Variants in TMEM128 observed in about 807,000 individuals in gnomAD.
TMEM128 encodes the protein transmembrane protein 128.
A neutral mutation model predicts 19.7 loss-of-function variants in TMEM128; 16 were observed. The ratio of observed to expected loss-of-function variants is 0.81; its 90% CI spans 0.55 to 1.23. The LOEUF is 1.23. Among genes scored for constraint, TMEM128 ranks in the 50% most tolerant of loss-of-function variants. The probability of loss-of-function intolerance (pLI) is 0.00; values close to 1 mark genes in which losing one functional copy is unlikely to be tolerated. For missense variants in TMEM128, 237 were observed against 200.8 expected, an observed-to-expected ratio of 1.18 and a Z score of -1.09; for synonymous variants, 98 against 75.8, an observed-to-expected ratio of 1.29 and a Z score of -1.52.
Position 4,248,198 on chromosome 4 carries a change from T to C in TMEM128, c.5A>G (p.Asp2Gly). The C allele has an allele frequency of 2.0e-6, 3 of 1,521,314 alleles. No individual in the cohort carries two copies. Among genetic ancestry groups the C allele is most frequent in the Non-Finnish European group, 2.6e-6 (3 of 1,134,804 alleles). The allele number at this position is 1,521,314 out of a possible 1,614,324, so 94.2% of individuals were successfully genotyped here. The change falls in exon 1 of 5, where the codon GAC (aspartate) becomes GGC (glycine). Residue 2 changes from aspartate (D) to glycine (G), a missense_variant. By Grantham distance (94) the Asp-to-Gly change is moderately conservative (BLOSUM62 -1). Transcript: ENST00000382753. M[D>G]SSRARQQLRR... ...GAGCTGCTGCCGGGCCCGCGAGGAG[T>C]CCATCTTGGTACCGCCCCGAAATGC...
At chr4:4,243,697 T>C (rs747812983) in intron 2 of TMEM128, among the ~76,000 whole-genome samples, 2 of 152,172 alleles carry the variant, frequency 1.3e-5, no homozygotes, top group Non-Finnish European at 2.9e-5. Flanking sequence ...GACACCTTGT[T>C]GAGGACAGAT....
intron 2 of TMEM128, among the ~76,000 whole-genome samples, chr4:4,242,876 G>A (rs2980106): frequency 0.12 from 17,556 of 151,914 alleles, 2,589 homozygotes; most frequent in African/African-American, 0.33. Flanking sequence ...AGTGGTCCTC[G>A]GCCCTGGCTT....
rs931238411 is a variant in TMEM128 at position 4,238,836 on chromosome 4, C to T, written c.399-901G>A. Among the ~76,000 whole-genome samples the T allele has an allele frequency of 6.6e-5, 10 of 152,166 alleles. 1 individual carries two copies. The highest frequency in any genetic ancestry group is 5.9e-4 in the Admixed American group (9 of 15,284). The stretch of plus-strand genomic sequence containing the variant: ...TGGCTTGAGGCCAGGAGTTTGAGAC[C>T]TGCCTGAGCAGCACAGCGAAACCCC... On this transcript the variant is annotated intron_variant, in intron 3 of 4. Transcript: ENST00000382753.
At position 4,247,959 on chromosome 4, in the gene TMEM128, C is replaced by A. The variant is rs1367498486; in HGVS notation, c.97+147G>T. The A allele has an allele frequency of 9.0e-6, 13 of 1,436,610 alleles. No individual in the cohort carries two copies. In the East Asian group the frequency reaches 3.1e-4, roughly 34 times the overall value. 89.0% of individuals were successfully genotyped at this position (1,436,610 alleles called of 1,614,324 possible). A position where few individuals can be genotyped will look rare whatever the true frequency, so the allele number is the denominator to read the frequency against. The stretch of plus-strand genomic sequence containing the variant: ...TGAAATGACGATGCACAGCACTCCG[C>A]GATTCTAAGGATCTTCCCTGACATT... On this transcript the variant is annotated intron_variant, in intron 1 of 4. Transcript: ENST00000382753.
chr4:4,243,273 G>A (rs1245080426), intron 2 of TMEM128, among the ~76,000 whole-genome samples: 3 of 151,960 alleles, frequency 2.0e-5, no homozygotes, highest in Non-Finnish European at 4.4e-5. Flanking sequence ...TAGTAGAGAC[G>A]GGGTTTCACC....
intron 4 of TMEM128, chr4:4,237,085 G>T (rs557181697): frequency 4.6e-5 from 21 of 455,724 alleles, no homozygotes; most frequent in Non-Finnish European, 8.4e-5. Flanking sequence ...GATCTGTAGG[G>T]AGGCAGAAAT....
At chr4:4,246,708 G>A (rs1030288171) in intron 1 of TMEM128, among the ~76,000 whole-genome samples, 6 of 152,000 alleles carry the variant, frequency 3.9e-5, no homozygotes, top group Admixed American at 2.6e-4. Context: ...AAACATTAGC[G>A]CATGAACTGG....
At position 4,240,496 on chromosome 4, in the gene TMEM128, A is replaced by C; in HGVS notation, c.240-17T>G. 2 of 1,608,766 alleles carry C rather than the reference A, an allele frequency of 1.2e-6. No individual in the cohort carries two copies. The highest frequency in any genetic ancestry group is 1.7e-6 in the Non-Finnish European group (2 of 1,177,146). On this transcript the variant is annotated splice_polypyrimidine_tract_variant and intron_variant, in intron 2 of 4. Transcript: ENST00000382753. ...AGAAACCAGCTGTGGAGATAAAAACAGTAAGAGGTCTGACAGCACTTAATG... is the reference window on the plus strand; with the variant it reads ...AGAAACCAGCTGTGGAGATAAAAACCGTAAGAGGTCTGACAGCACTTAATG...
At chr4:4,240,136 A>C (rs373173347) in intron 3 of TMEM128, among the ~76,000 whole-genome samples, 185 bp downstream of exon 3, 104 of 152,260 alleles carry the variant, frequency 6.8e-4, no homozygotes, top group African/African-American at 2.4e-3. Context: ...GCTTTAAATA[A>C]CTAGATCCAT....
intron 2 of TMEM128, among the ~76,000 whole-genome samples, chr4:4,243,622 G>T (rs1311961031): frequency 6.6e-6 from 1 of 152,078 alleles, no homozygotes; most frequent in African/African-American, 2.4e-5. Flanking sequence ...TCCTTCCCAA[G>T]AAAACAATGC....
At position 4,240,399 on chromosome 4, in the gene TMEM128, C is replaced by A. The variant is rs1468068414; in HGVS notation, c.320G>T (p.Cys107Phe). Residue 107 changes from cysteine (C) to phenylalanine (F), a missense_variant, in exon 3 of 5, where the codon TGT becomes TTT. Cys to Phe is a radical substitution (Grantham distance 205). Transcript: ENST00000382753. Reference protein sequence around the residue: ...FYCIVYLEWYCGIGEYDVKYP... With the variant: ...FYCIVYLEWYFGIGEYDVKYP... ...CTTGACATCATATTCTCCAATTCCA[C>A]AATACCATTCCAGGTAGACTATGCA... The A allele has an allele frequency of 6.2e-7, 1 of 1,613,984 alleles. No individual in the cohort carries two copies. Among genetic ancestry groups the A allele is most frequent in the Non-Finnish European group, 8.5e-7 (1 of 1,180,004 alleles).
At chr4:4,247,595 AGTTACCTG>A (rs769221294) in intron 1 of TMEM128, 2 of 1,614,224 alleles carry the variant, frequency 1.2e-6, no homozygotes, top group African/African-American at 2.7e-5. Flanking sequence ...ATACATCACA[AGTTACCTG>A]TTTTGTACCC....
At chr4:4,237,194 T>G (rs573826667) in intron 4 of TMEM128, 2 of 414,704 alleles carry the variant, frequency 4.8e-6, no homozygotes, top group East Asian at 1.4e-4. Context: ...TTTTCCCAAT[T>G]AGGTAAAATT....
At chr4:4,245,837 C>T (rs1325192780) in intron 2 of TMEM128, among the ~76,000 whole-genome samples, 1 of 151,956 alleles carries the variant, frequency 6.6e-6, no homozygotes, top group East Asian at 1.9e-4. Context: ...CACACACACA[C>T]ATTGTGAAAT....
At chr4:4,246,437 G>T in intron 1 of TMEM128, 94 bp from the exon 2 acceptor site, 1 of 1,278,186 alleles carries the variant, frequency 7.8e-7, no homozygotes. Flanking sequence ...CTAGAGCTAA[G>T]AAACAGTCTC....
chr4:4,248,036 C>A (rs1297068293), intron 1 of TMEM128, 70 bp downstream of exon 1: 4 of 1,523,698 alleles, frequency 2.6e-6, no homozygotes, highest in East Asian at 2.5e-5. Context: ...TGGGCCAGGG[C>A]TGCCGGAGGC....
chr4:4,247,756 C>T (rs2916466), intron 1 of TMEM128: 1,327,872 of 1,533,134 alleles, frequency 0.87, 575,955 homozygotes, highest in African/African-American at 0.93. Context: ...CAGATATTTC[C>T]AGTAATTCGC....
intron 2 of TMEM128, among the ~76,000 whole-genome samples, chr4:4,244,163 A>G (rs112350354): frequency 1.3e-5 from 2 of 152,150 alleles, no homozygotes; most frequent in South Asian, 2.1e-4. Flanking sequence ...AGCAGCTGCT[A>G]TTGGTGGTGG....
chr4:4,239,592 C>CTTGTACA (rs1234996043), intron 3 of TMEM128, among the ~76,000 whole-genome samples: 1 of 152,146 alleles, frequency 6.6e-6, no homozygotes, highest in African/African-American at 2.4e-5. Flanking sequence ...CACTGTGCTA[C>CTTGTACA]AAGAGCCATG....
Sources: gnomAD v4.1 joint callset for allele counts (sites outside exome capture counted in the v4.1 genomes callset) on GRCh38, gnomAD v4.1.1 for gene constraint, MANE v1.5 for transcripts, NCBI Gene and HGNC (gene_info 2026-07-23, HGNC 2026-07-21) for gene names.